Variants in MBTD1 observed in about 807,000 individuals in gnomAD.
The protein encoded by MBTD1 is MBT domain-containing protein 1.
MBTD1 carries 24 observed loss-of-function variants against 87.8 expected under a neutral mutation model. The observed-to-expected ratio is 0.27, with a 90% CI of 0.20 to 0.38. The LOEUF is 0.38. MBTD1 is among the 10% of genes least tolerant of loss of function. MBTD1 has a pLI of 1.00. For synonymous variants in MBTD1, 237 were observed against 248.6 expected (o/e 0.95, Z 0.44); for missense variants, 436 against 760.2 (o/e 0.57, Z 5.02).
At position 51,220,298 on chromosome 17, in the gene MBTD1, G is replaced by T. The variant is rs559734854; in HGVS notation, c.288+32C>A. The T allele has an allele frequency of 1.3e-3, 2,029 of 1,526,022 alleles. 44 individuals are homozygous for T. The South Asian group carries it at 0.023, about 17-fold the overall frequency. The allele number at this position is 1,526,022 out of a possible 1,614,324, so 94.5% of individuals were successfully genotyped here. ...AAATGGCAAAAGCCATAGAAATAAT[G>T]GATATAAGTAAGAAAGTTTCTGTAC... On this transcript the variant is annotated intron_variant, in intron 4 of 16. Coordinates refer to ENST00000586178, the MANE Select transcript of MBTD1 (RefSeq NM_017643.3).
chr17:51,240,995 T>C (rs769346008), intron 2 of MBTD1, among the ~76,000 whole-genome samples: 7 of 152,112 alleles, frequency 4.6e-5, no homozygotes, highest in Non-Finnish European at 1.0e-4. Flanking sequence ...TTTTTTTCTT[T>C]GAGACAGGGT....
intron 2 of MBTD1, among the ~76,000 whole-genome samples, chr17:51,225,592 AGCAATCT>A (rs2053168481): frequency 1.3e-5 from 2 of 151,370 alleles, no homozygotes; most frequent in African/African-American, 4.9e-5. Flanking sequence ...CCTCGTCTCA[AGCAATCT>A]GCCCACTCAA....
chr17:51,225,371 T>G (rs2053151615), intron 2 of MBTD1, 162 bp from the exon 3 acceptor site: 1 of 357,292 alleles, frequency 2.8e-6, no homozygotes, highest in Non-Finnish European at 4.8e-6. Flanking sequence ...AAAAATGCTT[T>G]GAGACAGAGT....
At position 51,180,317 on chromosome 17, in the gene MBTD1, C is replaced by A; in HGVS notation, c.*259G>T. 1 of 346,396 alleles carries A rather than the reference C, an allele frequency of 2.9e-6. No individual in the cohort carries two copies. Among genetic ancestry groups the A allele is most frequent in the Non-Finnish European group, 5.2e-6 (1 of 192,880 alleles). 21.5% of individuals were successfully genotyped at this position (346,396 alleles called of 1,614,324 possible). Reference sequence around the variant, plus strand: ...TTCTTGTTAACAATGCACATAAATCCAAACTTGGAAAATATTACAAAATTC... The same window carrying A: ...TTCTTGTTAACAATGCACATAAATCAAAACTTGGAAAATATTACAAAATTC... On this transcript the variant is annotated 3_prime_UTR_variant, in exon 17 of 17. Coordinates refer to ENST00000586178, the MANE Select transcript of MBTD1 (RefSeq NM_017643.3).
chr17:51,220,205 G>A, intron 4 of MBTD1, 125 bp downstream of exon 4: 3 of 875,796 alleles, frequency 3.4e-6, no homozygotes, highest in Non-Finnish European at 4.9e-6. Context: ...GTTTCCTCAA[G>A]ATGTGGTATA....
chr17:51,205,072 T>C (rs1232495102), intron 7 of MBTD1, among the ~76,000 whole-genome samples: 1 of 152,222 alleles, frequency 6.6e-6, no homozygotes, highest in Admixed American at 6.5e-5. Flanking sequence ...ATAAACTTTA[T>C]GTTGATAAAA....
intron 4 of MBTD1, 129 bp downstream of exon 4, chr17:51,220,175 ACAAACTTTGGGGCTCACATGTTTCCT>A (rs1012649231): frequency 1.4e-4 from 41 of 288,116 alleles, no homozygotes; most frequent in Admixed American, 2.6e-4. Context: ...TATAGGCTGA[ACAAACTTTGGGGCTCACATGTTTCCT>A]CAAGATGTGG....
Position 51,259,890 on chromosome 17 carries a change from C to T in MBTD1, c.-168G>A. 8.1e-7 allele frequency: 1 copy of T among 1,231,948 alleles called. No individual in the cohort carries two copies. The highest frequency in any genetic ancestry group is 1.0e-6 in the Non-Finnish European group (1 of 987,870). The allele number at this position is 1,231,948 out of a possible 1,614,324, so 76.3% of individuals were successfully genotyped here. A position where few individuals can be genotyped will look rare whatever the true frequency, so the allele number is the denominator to read the frequency against. On this transcript the variant is annotated 5_prime_UTR_variant, in exon 1 of 17. Transcript: ENST00000586178. ...ATGGGTAGGGGTTGTCCGTGCTCCC[C>T]GAGCCCGCGGCGCCCCCTCCCCGGG... is the stretch of plus-strand genomic sequence containing the variant.
At chr17:51,181,145 C>T (rs1265320408) in intron 16 of MBTD1, among the ~76,000 whole-genome samples, 2 of 151,144 alleles carry the variant, frequency 1.3e-5, no homozygotes, top group African/African-American at 2.4e-5. Flanking sequence ...CTCAGCACCG[C>T]CCCCCCAAGT....
rs1221442008 is a variant in MBTD1, at chr17:51,188,709, T to C, written c.1768+3494A>G. 2.0e-5 allele frequency among the ~76,000 whole-genome samples: 3 copies of C among 150,872 alleles called. No individual in the cohort carries two copies. The East Asian group carries it at 5.8e-4, about 29-fold the overall frequency. ...TAGAGTGAAAACTGCTGCTTCTTAATACGGCACTATACTTCCTTATCCTCA... is the reference window on the plus strand; with the variant it reads ...TAGAGTGAAAACTGCTGCTTCTTAACACGGCACTATACTTCCTTATCCTCA... On this transcript the variant is annotated intron_variant, in intron 16 of 16. Coordinates refer to ENST00000586178, the MANE Select transcript of MBTD1 (RefSeq NM_017643.3).
At chr17:51,190,851 T>C (rs1306218637) in intron 16 of MBTD1, among the ~76,000 whole-genome samples, 1 of 139,110 alleles carries the variant, frequency 7.2e-6, no homozygotes, top group Non-Finnish European at 1.5e-5. Flanking sequence ...GAGGCTGAGG[T>C]GGGCAGAGTG....
intron 3 of MBTD1, among the ~76,000 whole-genome samples, chr17:51,220,897 G>A (rs928167651): frequency 6.6e-6 from 1 of 152,160 alleles, no homozygotes; most frequent in African/African-American, 2.4e-5. Flanking sequence ...ATACTGCAAA[G>A]GTTGAAACTT....
At position 51,218,547 on chromosome 17, in the gene MBTD1, A is replaced by T. The variant is rs899122874; in HGVS notation, c.403+383T>A. Among the ~76,000 whole-genome samples, 84 of 106,810 alleles carry T rather than the reference A, an allele frequency of 7.9e-4. 1 individual carries two copies. The highest frequency in any genetic ancestry group is 2.7e-3 in the African/African-American group (79 of 29,798). 70.1% of individuals were successfully genotyped at this position (106,810 alleles called of 152,430 possible). A position where few individuals can be genotyped will look rare whatever the true frequency, so the allele number is the denominator to read the frequency against. The stretch of plus-strand genomic sequence containing the variant: ...CTGTCTCCAAAAAAAAAAAAAAAAA[A>T]AAAAAAAAATCTATTGGAAATGGTC... On this transcript the variant is annotated intron_variant, in intron 5 of 16. Transcript: ENST00000586178.
chr17:51,260,466 A>G (rs2055409586), upstream of MBTD1: 2 of 1,116,516 alleles, frequency 1.8e-6, no homozygotes, highest in South Asian at 1.6e-5. Context: ...TCACGTGGCA[A>G]GAGGCTGCGC....
intron 16 of MBTD1, among the ~76,000 whole-genome samples, chr17:51,190,751 A>G: frequency 1.8e-5 from 1 of 55,838 alleles, no homozygotes; most frequent in East Asian, 4.0e-4. Flanking sequence ...AAAAAAAAAA[A>G]TATATATATA....
At chr17:51,189,958 G>A (rs1362550895) in intron 16 of MBTD1, among the ~76,000 whole-genome samples, 1 of 152,216 alleles carries the variant, frequency 6.6e-6, no homozygotes, top group Non-Finnish European at 1.5e-5. Flanking sequence ...CCTGTGGGAG[G>A]CTTGTGCCTA....
chr17:51,258,814 A>G (rs2055252462), intron 2 of MBTD1, among the ~76,000 whole-genome samples: 2 of 152,376 alleles, frequency 1.3e-5, no homozygotes, highest in South Asian at 4.1e-4. Flanking sequence ...GTAGAAAAAC[A>G]TCTTCAGGCA....
chr17:51,226,443 C>G (rs1448509328), intron 2 of MBTD1, among the ~76,000 whole-genome samples: 1 of 151,024 alleles, frequency 6.6e-6, no homozygotes, highest in East Asian at 2.1e-4. Flanking sequence ...GTGGAGGTTG[C>G]AGTGAGTTGA....
intron 16 of MBTD1, chr17:51,186,272 T>G (rs1245803067): frequency 6.6e-6 from 1 of 152,546 alleles, no homozygotes; most frequent in African/African-American, 2.4e-5. Flanking sequence ...GTAAGAAAAG[T>G]GCATTATATA....
Sources: gnomAD v4.1 joint callset for allele counts (sites outside exome capture counted in the v4.1 genomes callset) on GRCh38, gnomAD v4.1.1 for gene constraint, MANE v1.5 for transcripts, NCBI Gene and HGNC (gene_info 2026-07-23, HGNC 2026-07-21) for gene names.